Variants in ERC1 observed in about 807,000 individuals in gnomAD.
The protein encoded by ERC1 is ELKS/RAB6-interacting/CAST family member 1.
A neutral mutation model predicts 132.0 loss-of-function variants in ERC1; 56 were observed. That is an observed-to-expected ratio of 0.42 (90% CI 0.34 to 0.53). The LOEUF (loss-of-function observed/expected upper bound fraction) is 0.53. ERC1 is among the 20% of genes least tolerant of loss of function. ERC1 has a pLI of 0.03. For missense variants in ERC1, 1,202 were observed against 1,349.9 expected, an observed-to-expected ratio of 0.89 and a Z score of 1.72; for synonymous variants, 478 against 476.1, an observed-to-expected ratio of 1.00 and a Z score of -0.05.
In ERC1 at chr12:1,492,845, C is replaced by T; in HGVS notation, c.*2615C>T. 4.3e-6 allele frequency: 1 copy of T among 230,750 alleles called. No individual in the cohort carries two copies. Among genetic ancestry groups the T allele is most frequent in the Admixed American group, 5.7e-5 (1 of 17,694 alleles). 14.3% of individuals were successfully genotyped at this position (230,750 alleles called of 1,614,324 possible). A position where few individuals can be genotyped will look rare whatever the true frequency, so the allele number is the denominator to read the frequency against. ...ATTGAACCAACACTTAACCAAATGT[C>T]CCACTCCCATCACACTAGGACTTGT... On this transcript the variant is annotated 3_prime_UTR_variant, in exon 19 of 19. Transcript: ENST00000360905.
In ERC1 at chr12:1,199,149, G is replaced by A. The variant is rs966267714; in HGVS notation, c.2351+9097G>A. ...GAGATTTGGGTGGGGACAAACCACC[G>A]TCATGATCCAGTCACTTCCCACCAG... On this transcript the variant is annotated intron_variant, in intron 12 of 18. Transcript: ENST00000360905. Among the ~76,000 whole-genome samples the A allele has an allele frequency of 3.1e-4, 45 of 145,018 alleles. 1 individual carries two copies. The highest frequency in any genetic ancestry group is 9.9e-4 in the African/African-American group (38 of 38,538).
intron 12 of ERC1, among the ~76,000 whole-genome samples, chr12:1,190,627 CTG>C (rs1955624561): frequency 6.6e-6 from 1 of 152,122 alleles, no homozygotes; most frequent in Admixed American, 6.6e-5. Context: ...TCAAAATATT[CTG>C]TGTTTGAACA....
intron 16 of ERC1, among the ~76,000 whole-genome samples, chr12:1,387,904 G>A (rs56168743): frequency 2.0e-5 from 3 of 152,056 alleles, no homozygotes; most frequent in African/African-American, 7.2e-5. Context: ...TGCCCCTGAA[G>A]GTATTAGGGT....
chr12:1,442,947 G>A (rs749641801), intron 17 of ERC1, among the ~76,000 whole-genome samples: 1 of 151,698 alleles, frequency 6.6e-6, no homozygotes, highest in African/African-American at 2.4e-5. Flanking sequence ...TCGCTCTATC[G>A]CTCAGGCTGG....
intron 15 of ERC1, among the ~76,000 whole-genome samples, chr12:1,304,731 C>A (rs1594884560): frequency 8.5e-6 from 1 of 116,978 alleles, no homozygotes; most frequent in Non-Finnish European, 1.8e-5. Context: ...TAACACAGTT[C>A]TATTATTTCG....
intron 13 of ERC1, among the ~76,000 whole-genome samples, 153 bp from the exon 14 acceptor site, chr12:1,262,881 T>G (rs1352377851): frequency 6.6e-6 from 1 of 152,246 alleles, no homozygotes; most frequent in Non-Finnish European, 1.5e-5. Flanking sequence ...TTCCTTGCTT[T>G]CTTTATTGTG....
intron 14 of ERC1, among the ~76,000 whole-genome samples, chr12:1,277,678 G>A (rs939534298): frequency 6.6e-6 from 1 of 152,124 alleles, no homozygotes; most frequent in Non-Finnish European, 1.5e-5. Flanking sequence ...AAAAAAAATA[G>A]AGTGTTACGT....
chr12:1,487,547 A>AAAAAAAAAAAG, intron 18 of ERC1, among the ~76,000 whole-genome samples: 1 of 145,876 alleles, frequency 6.9e-6, no homozygotes, highest in South Asian at 2.2e-4. Flanking sequence ...TCTAAAAAAG[A>AAAAAAAAAAAG]AAAAGAAAAG....
chr12:1,294,101 C>G (rs1004359427), intron 15 of ERC1, among the ~76,000 whole-genome samples: 1 of 152,240 alleles, frequency 6.6e-6, no homozygotes, highest in African/African-American at 2.4e-5. Flanking sequence ...CCTTGGGACT[C>G]CTCCTCAGTT....
At chr12:1,482,310 A>G (rs7131979) in intron 18 of ERC1, among the ~76,000 whole-genome samples, 54,558 of 138,118 alleles carry the variant, frequency 0.4, 10,839 homozygotes, top group African/African-American at 0.56. Context: ...GAAAATACCC[A>G]CCCCCCCAAC....
chr12:1,105,551 G>A (rs893953122), intron 4 of ERC1, among the ~76,000 whole-genome samples: 1 of 151,958 alleles, frequency 6.6e-6, no homozygotes, highest in Non-Finnish European at 1.5e-5. Flanking sequence ...TAGAGATGGG[G>A]TTTCACCGTG....
At chr12:1,171,688 C>T (rs950786141) in intron 8 of ERC1, among the ~76,000 whole-genome samples, 3 of 152,124 alleles carry the variant, frequency 2.0e-5, no homozygotes, top group Non-Finnish European at 4.4e-5. Context: ...ATGTTCCTTT[C>T]CCTTAAATGA....
chr12:1,174,124 C>T (rs1379257119), intron 8 of ERC1, among the ~76,000 whole-genome samples: 1 of 152,220 alleles, frequency 6.6e-6, no homozygotes, highest in Admixed American at 6.5e-5. Flanking sequence ...GCTGGATAAA[C>T]GGAAAGAGAA....
At chr12:1,224,979 A>AAAAG (rs879345171) in intron 12 of ERC1, among the ~76,000 whole-genome samples, 22 of 152,126 alleles carry the variant, frequency 1.4e-4, no homozygotes, top group African/African-American at 4.1e-4. Context: ...ACCTTGTCTA[A>AAAAG]AAAGAAAGAA....
At chr12:1,010,080 T>C (rs1964429276) in intron 1 of ERC1, among the ~76,000 whole-genome samples, 1 of 152,208 alleles carries the variant, frequency 6.6e-6, no homozygotes, top group Non-Finnish European at 1.5e-5. Context: ...TCTACCTTAG[T>C]GAGTACACAT....
At position 1,083,417 on chromosome 12, in the gene ERC1, C is replaced by T; in HGVS notation, c.923C>T (p.Ser308Phe). 1 of 1,614,120 alleles carries T rather than the reference C, an allele frequency of 6.2e-7. No individual in the cohort carries two copies. Reference sequence around the variant, plus strand: ...CAGACCCTAAATGCTCGGGATGAATCCATTAAGAAGCTTCTGGAAATGTTG... The same window carrying T: ...CAGACCCTAAATGCTCGGGATGAATTCATTAAGAAGCTTCTGGAAATGTTG... ...QKQTLNARDESIKKLLEMLQS... is the reference protein window; with the variant it reads ...QKQTLNARDEFIKKLLEMLQS... Residue 308 changes from serine (S) to phenylalanine (F), a missense_variant, in exon 3 of 19, where the codon TCC becomes TTC. Ser to Phe is a radical substitution (Grantham distance 155). Transcript: ENST00000360905.
chr12:1,194,525 C>T (rs1956040816), intron 12 of ERC1, among the ~76,000 whole-genome samples: 1 of 152,136 alleles, frequency 6.6e-6, no homozygotes, highest in Non-Finnish European at 1.5e-5. Flanking sequence ...TCACGCTGTC[C>T]ATCTTAGCTG....
At chr12:1,453,766 A>T (rs1245230533) in intron 18 of ERC1, among the ~76,000 whole-genome samples, 7 of 152,210 alleles carry the variant, frequency 4.6e-5, no homozygotes, top group Admixed American at 1.3e-4. Context: ...AGATTAATAT[A>T]ACATTACCTT....
At chr12:1,321,058 T>G (rs2082083904) in intron 15 of ERC1, among the ~76,000 whole-genome samples, 2 of 152,168 alleles carry the variant, frequency 1.3e-5, no homozygotes, top group Admixed American at 1.3e-4. Context: ...TACCATTTGT[T>G]TACAAGGGGA....
Sources: allele counts gnomAD v4.1 joint callset (sites outside exome capture counted in the v4.1 genomes callset), GRCh38; gene constraint gnomAD v4.1.1; transcripts MANE v1.5; gene names NCBI Gene and HGNC (gene_info 2026-07-23, HGNC 2026-07-21).